Variants in WAC observed in about 807,000 individuals in gnomAD.
WAC encodes the protein WW domain containing adaptor with coiled-coil, also known as WW domain-containing adapter protein with coiled-coil.
In WAC, 11 loss-of-function variants were observed where a neutral mutation model predicts 79.6. The ratio of observed to expected loss-of-function variants is 0.14; its 90% CI spans 0.09 to 0.23. The LOEUF is 0.23. WAC is among the 10% of genes least tolerant of loss of function. WAC has a pLI of 1.00. For missense variants in WAC, 728 were observed against 773.5 expected (o/e 0.94, Z 0.70); for synonymous variants, 304 against 276.9 (o/e 1.10, Z -0.97).
At chr10:28,593,719 T>G (rs965730839) in intron 6 of WAC, among the ~76,000 whole-genome samples, 1 of 137,798 alleles carries the variant, frequency 7.3e-6, no homozygotes, top group South Asian at 2.4e-4. Flanking sequence ...TGCACTCCAG[T>G]GAGACTCTCT....
At chr10:28,577,691 A>G (rs1298892129) in intron 3 of WAC, among the ~76,000 whole-genome samples, 1 of 152,170 alleles carries the variant, frequency 6.6e-6, no homozygotes, top group Non-Finnish European at 1.5e-5. Flanking sequence ...GTAGAGTATA[A>G]TAATCTCTGT....
intron 3 of WAC, among the ~76,000 whole-genome samples, chr10:28,542,359 G>T (rs1222350829): frequency 6.6e-6 from 1 of 152,176 alleles, no homozygotes; most frequent in East Asian, 1.9e-4. Flanking sequence ...GGGCATTTCT[G>T]AAAGTCACGG....
At chr10:28,552,649 A>T (rs1171275259) in intron 3 of WAC, among the ~76,000 whole-genome samples, 1 of 152,148 alleles carries the variant, frequency 6.6e-6, no homozygotes, top group Non-Finnish European at 1.5e-5. Flanking sequence ...CTGGATTCTA[A>T]TGTGTATGAG....
intron 3 of WAC, among the ~76,000 whole-genome samples, chr10:28,553,782 C>T (rs1410846412): frequency 6.6e-6 from 1 of 152,166 alleles, no homozygotes; most frequent in Non-Finnish European, 1.5e-5. Context: ...TGTGTCTTTA[C>T]TGAACATGTA....
Position 28,622,796 on chromosome 10 carries a change from T to C in WAC, c.*3190T>C, listed in dbSNP as rs1343863124. ...TTTATTATGTTCAAAAACCACCATATCTTTGAGGGACTGTTTGAAAGGGGA... is the reference window on the plus strand; with the variant it reads ...TTTATTATGTTCAAAAACCACCATACCTTTGAGGGACTGTTTGAAAGGGGA... On this transcript the variant is annotated 3_prime_UTR_variant, in exon 14 of 14. Coordinates refer to ENST00000354911, the MANE Select transcript of WAC (RefSeq NM_016628.5). The C allele has an allele frequency of 1.3e-5, 2 of 152,148 alleles. No homozygotes were observed. Among genetic ancestry groups the C allele is most frequent in the East Asian group, 1.9e-4 (1 of 5,190 alleles). 9.4% of individuals were successfully genotyped at this position (152,148 alleles called of 1,614,324 possible).
intron 1 of WAC, 131 bp from the exon 2 acceptor site, chr10:28,533,867 G>C (rs949418453): frequency 3.3e-6 from 4 of 1,198,762 alleles, no homozygotes; most frequent in African/African-American, 3.2e-5. Flanking sequence ...TGCCGTGTGC[G>C]TGCGGGGCTC....
rs1841712291 is a variant in WAC at position 28,622,013 on chromosome 10, G to A, written c.*2407G>A. On this transcript the variant is annotated 3_prime_UTR_variant, in exon 14 of 14. Transcript: ENST00000354911. ...CTGCCTCGGCGTTCCGAGTAGCTGG[G>A]ATTACAGGCATGCACCACCACGCCT... 1 of 152,294 alleles carries A rather than the reference G, an allele frequency of 6.6e-6. No individual in the cohort carries two copies. The highest frequency in any genetic ancestry group is 1.5e-5 in the Non-Finnish European group (1 of 68,210). The allele number at this position is 152,294 out of a possible 1,614,324, so 9.4% of individuals were successfully genotyped here.
intron 3 of WAC, among the ~76,000 whole-genome samples, chr10:28,548,324 T>C (rs1319554996): frequency 2.0e-5 from 3 of 152,192 alleles, no homozygotes; most frequent in Admixed American, 6.5e-5. Context: ...ACTCTTTTTT[T>C]CTTCTCTTTT....
In WAC at chr10:28,578,155, T is replaced by TCAAAA. The variant is rs532431086; in HGVS notation, c.275-5228_275-5224dup. Among the ~76,000 whole-genome samples, 806 of 152,194 alleles carry TCAAAA rather than the reference T, an allele frequency of 5.3e-3. 6 individuals carry two copies. The highest frequency in any genetic ancestry group is 6.6e-3 in the Non-Finnish European group (452 of 67,996). On this transcript the variant is annotated intron_variant, in intron 3 of 13. Coordinates refer to ENST00000354911, the MANE Select transcript of WAC (RefSeq NM_016628.5). ...GCTTGGGTAACTGAGAGATCCTGTC[T>TCAAAA]CAAAACAAAACAAAACAAAAAAATT...
At chr10:28,597,037 A>T (rs1163044680) in intron 7 of WAC, among the ~76,000 whole-genome samples, 1 of 151,880 alleles carries the variant, frequency 6.6e-6, no homozygotes, top group Non-Finnish European at 1.5e-5. Context: ...AATACATTTT[A>T]TTTGAAATTT....
intron 3 of WAC, among the ~76,000 whole-genome samples, chr10:28,578,716 A>C (rs759813944): frequency 4.0e-5 from 6 of 151,846 alleles, no homozygotes; most frequent in Non-Finnish European, 8.8e-5. Flanking sequence ...CTAGGCCCTC[A>C]CTCTTTGAAA....
chr10:28,566,994 T>G (rs1443574772), intron 3 of WAC, among the ~76,000 whole-genome samples: 6 of 151,450 alleles, frequency 4.0e-5, no homozygotes, highest in Admixed American at 3.9e-4. Context: ...ATATATTGGC[T>G]TCATCTTTCA....
At chr10:28,594,869 C>T (rs1212857441) in intron 6 of WAC, among the ~76,000 whole-genome samples, 3 of 152,114 alleles carry the variant, frequency 2.0e-5, no homozygotes, top group African/African-American at 7.2e-5. Flanking sequence ...GAATGAACTT[C>T]AACATGATAG....
chr10:28,617,580 G>A (rs1841526199), intron 12 of WAC, 77 bp from the exon 13 acceptor site: 2 of 1,312,560 alleles, frequency 1.5e-6, no homozygotes. Context: ...GTATAAAATT[G>A]TACTCAGAAA....
chr10:28,549,801 G>A (rs1363653750), intron 3 of WAC, among the ~76,000 whole-genome samples: 1 of 152,098 alleles, frequency 6.6e-6, no homozygotes, highest in African/African-American at 2.4e-5. Context: ...GAACTGTTAT[G>A]TCCATGCCTG....
At chr10:28,595,240 G>C (rs547385269) in intron 6 of WAC, among the ~76,000 whole-genome samples, 1 of 152,272 alleles carries the variant, frequency 6.6e-6, no homozygotes, top group African/African-American at 2.4e-5. Flanking sequence ...GCAACTAATT[G>C]TAGCTTAGTA....
At chr10:28,581,238 CTTTTT>C (rs71391053) in intron 3 of WAC, among the ~76,000 whole-genome samples, 13 of 66,116 alleles carry the variant, frequency 2.0e-4, no homozygotes, top group East Asian at 1.0e-3. Flanking sequence ...ATGAGCGATT[CTTTTT>C]TTTTTTTTTT....
chr10:28,581,542 T>TTTTGTTTG (rs548725389), intron 3 of WAC, among the ~76,000 whole-genome samples: 12 of 151,908 alleles, frequency 7.9e-5, no homozygotes, highest in Non-Finnish European at 1.8e-4. Flanking sequence ...TACTCAGCCT[T>TTTTGTTTG]TTTGTTTGTT....
At chr10:28,583,297 C>T (rs1483024338) in intron 3 of WAC, 102 bp from the exon 4 acceptor site, 3 of 801,594 alleles carry the variant, frequency 3.7e-6, no homozygotes, top group African/African-American at 1.8e-5. Context: ...GTAAGATGTT[C>T]GTTTAGAGAT....
Sources: allele counts gnomAD v4.1 joint callset (sites outside exome capture counted in the v4.1 genomes callset), GRCh38; gene constraint gnomAD v4.1.1; transcripts MANE v1.5; gene names NCBI Gene and HGNC (gene_info 2026-07-23, HGNC 2026-07-21).